Variants in NOX4 observed in about 807,000 individuals in gnomAD.
NOX4 encodes NADPH oxidase 4.
A neutral mutation model predicts 87.6 loss-of-function variants in NOX4; 69 were observed. The ratio of observed to expected loss-of-function variants is 0.79; its 90% CI spans 0.65 to 0.96. The LOEUF (loss-of-function observed/expected upper bound fraction) is 0.96. NOX4 is among the 40% of genes least tolerant of loss of function. The pLI, the probability that NOX4 is intolerant of heterozygous loss-of-function variation, is 0.00. For missense variants in NOX4, 680 were observed against 681.5 expected, an observed-to-expected ratio of 1.00 and a Z score of 0.02; for synonymous variants, 275 against 238.2, an observed-to-expected ratio of 1.15 and a Z score of -1.42.
At chr11:89,567,414 A>C in the NOX4 span, among the ~76,000 whole-genome samples, 1 of 152,128 alleles carries the variant, frequency 6.6e-6, no homozygotes. Flanking sequence ...TCACAACCCC[A>C]GTCTATTCGT....
Position 89,449,463 on chromosome 11 carries a change from C to T in NOX4, c.326G>A (p.Gly109Asp), listed in dbSNP as rs1233458089. ...DKSRTFHITCGVTICIFSGVH... is the reference protein window; with the variant it reads ...DKSRTFHITCDVTICIFSGVH... ...ACCTGAGAAAATACAGATAGTAACA[C>T]CACAGGTAATATGGAATGTTCTGCT... The change falls in exon 4 of 18, where the codon GGT becomes GAT. Residue 109 changes from glycine (G) to aspartate (D), a missense_variant. Physicochemically the swap from Gly to Asp is moderately conservative, Grantham distance 94. Coordinates refer to ENST00000263317, the MANE Select transcript of NOX4 (RefSeq NM_016931.5). 2.5e-6 allele frequency: 4 copies of T among 1,610,964 alleles called. No homozygotes were observed. The highest frequency in any genetic ancestry group is 1.1e-5 in the South Asian group (1 of 90,678).
At chr11:89,328,638 T>C (rs1240213195) in intron 17 of NOX4, among the ~76,000 whole-genome samples, 1 of 152,036 alleles carries the variant, frequency 6.6e-6, no homozygotes, top group East Asian at 1.9e-4. Context: ...AGCAAGAAAG[T>C]ATGAACTATA....
intron 2 of NOX4, among the ~76,000 whole-genome samples, chr11:89,471,020 G>GT (rs1359338039): frequency 1.3e-5 from 2 of 152,200 alleles, no homozygotes; most frequent in Admixed American, 6.5e-5. Flanking sequence ...AGTGAAGAAA[G>GT]TGTCCGAGTG....
chr11:89,432,660 A>G, intron 7 of NOX4, 124 bp downstream of exon 7: 1 of 637,560 alleles, frequency 1.6e-6, no homozygotes, highest in Admixed American at 2.7e-5. Context: ...GCTATACTTC[A>G]CTCTTACTTA....
intron 12 of NOX4, among the ~76,000 whole-genome samples, chr11:89,369,943 T>G (rs1939317111): frequency 6.6e-6 from 1 of 151,958 alleles, no homozygotes; most frequent in Non-Finnish European, 1.5e-5. Context: ...AAAAAAATAC[T>G]TTAAACACGT....
the NOX4 span, among the ~76,000 whole-genome samples, chr11:89,512,844 A>G: frequency 6.6e-6 from 1 of 152,098 alleles, no homozygotes; most frequent in African/African-American, 2.4e-5. Flanking sequence ...ACTGGTCTGT[A>G]TGTAGCAACA....
At chr11:89,446,247 C>T (rs1944697359) in intron 4 of NOX4, among the ~76,000 whole-genome samples, 1 of 152,108 alleles carries the variant, frequency 6.6e-6, no homozygotes, top group Non-Finnish European at 1.5e-5. Context: ...CAGAAACTGT[C>T]ATTCATTGCA....
At chr11:89,422,761 C>T (rs1943147687) in intron 7 of NOX4, among the ~76,000 whole-genome samples, 1 of 150,744 alleles carries the variant, frequency 6.6e-6, no homozygotes, top group Non-Finnish European at 1.5e-5. Flanking sequence ...TAAACAGTAT[C>T]ATTACCATCC....
chr11:89,452,760 G>A (rs1430446847), intron 2 of NOX4, among the ~76,000 whole-genome samples: 1 of 151,590 alleles, frequency 6.6e-6, no homozygotes, highest in Non-Finnish European at 1.5e-5. Flanking sequence ...TTTTCTCCCA[G>A]GCTGAGTGCA....
the NOX4 span, among the ~76,000 whole-genome samples, chr11:89,506,284 GAAGAAAGA>G: frequency 1.8e-4 from 9 of 49,338 alleles, no homozygotes; most frequent in Non-Finnish European, 3.8e-4. Flanking sequence ...AAAAAGAAAG[GAAGAAAGA>G]AAGAAAGAAA....
At chr11:89,560,562 G>A in the NOX4 span, among the ~76,000 whole-genome samples, 5 of 152,018 alleles carry the variant, frequency 3.3e-5, no homozygotes. Flanking sequence ...TGAGGAGATT[G>A]GTTCATGAAT....
chr11:89,461,612 T>C (rs530093047), intron 2 of NOX4, among the ~76,000 whole-genome samples: 1 of 133,362 alleles, frequency 7.5e-6, no homozygotes, highest in South Asian at 2.4e-4. Context: ...GCCACTGCAC[T>C]CCGACCTGGG....
At chr11:89,543,103 T>C in the NOX4 span, among the ~76,000 whole-genome samples, 2 of 152,184 alleles carry the variant, frequency 1.3e-5, no homozygotes, top group African/African-American at 4.8e-5. Context: ...ATGAAAGCAA[T>C]GTACATTATT....
the NOX4 span, among the ~76,000 whole-genome samples, chr11:89,515,749 T>C: frequency 1.3e-5 from 2 of 152,012 alleles, no homozygotes; most frequent in Non-Finnish European, 1.5e-5. Context: ...GGACGATTAA[T>C]AGATATTCAT....
chr11:89,580,858 A>G, the NOX4 span, among the ~76,000 whole-genome samples: 2 of 152,218 alleles, frequency 1.3e-5, no homozygotes, highest in African/African-American at 2.4e-5. Flanking sequence ...GTCTATGAAC[A>G]GTTCCTGTGA....
chr11:89,408,196 C>T (rs1451235848), intron 8 of NOX4, among the ~76,000 whole-genome samples: 1 of 152,068 alleles, frequency 6.6e-6, no homozygotes, highest in Non-Finnish European at 1.5e-5. Flanking sequence ...TTTTCTACTG[C>T]CTAAAATAGT....
chr11:89,455,047 TC>T (rs1015509443), intron 2 of NOX4, among the ~76,000 whole-genome samples: 4 of 152,040 alleles, frequency 2.6e-5, no homozygotes, highest in African/African-American at 9.7e-5. Flanking sequence ...AAAAGCCTAC[TC>T]CAATAGCTCC....
At chr11:89,438,869 AT>A (rs1944296070) in intron 6 of NOX4, among the ~76,000 whole-genome samples, 1 of 46,340 alleles carries the variant, frequency 2.2e-5, no homozygotes, top group South Asian at 5.5e-4. Flanking sequence ...TATATATTAT[AT>A]ATATAATATA....
chr11:89,499,808 C>T (rs1399311915), upstream of NOX4, among the ~76,000 whole-genome samples: 1 of 152,144 alleles, frequency 6.6e-6, no homozygotes, highest in Non-Finnish European at 1.5e-5. Flanking sequence ...CAGGGCCTAG[C>T]ACAATGCCTG....
Sources: allele counts gnomAD v4.1 joint callset (sites outside exome capture counted in the v4.1 genomes callset), GRCh38; gene constraint gnomAD v4.1.1; transcripts MANE v1.5; gene names NCBI Gene and HGNC (gene_info 2026-07-23, HGNC 2026-07-21).